Variants in NPSR1 observed in about 807,000 individuals in gnomAD.
The protein encoded by NPSR1 is neuropeptide S receptor 1.
Under a neutral mutation model 46.9 loss-of-function variants are expected in NPSR1, and 48 were observed. The observed-to-expected ratio is 1.02, with a 90% CI of 0.81 to 1.30. NPSR1 has a LOEUF of 1.30. Among genes scored for constraint, NPSR1 ranks in the 50% most tolerant of loss-of-function variants. NPSR1 has a pLI of 0.00. For missense variants in NPSR1, 450 were observed against 449.5 expected, an observed-to-expected ratio of 1.00 and a Z score of -0.01; for synonymous variants, 176 against 168.1, an observed-to-expected ratio of 1.05 and a Z score of -0.36.
In NPSR1 at chr7:34,835,109, A is replaced by G. The variant is rs528582312; in HGVS notation, c.757+649A>G. Among the ~76,000 whole-genome samples the G allele has an allele frequency of 1.2e-3, 181 of 152,370 alleles. 1 individual carries two copies. Among genetic ancestry groups the G allele is most frequent in the Non-Finnish European group, 2.2e-3 (147 of 68,044 alleles). On this transcript the variant is annotated intron_variant, in intron 6 of 8. Coordinates refer to ENST00000360581, the MANE Select transcript of NPSR1 (RefSeq NM_207172.2). ...AACATTACTGGACCTGACCAAGGTC[A>G]ACCTGGAGAAAACACAGCAAACCAA...
intron 4 of NPSR1, among the ~76,000 whole-genome samples, chr7:34,813,838 A>G (rs1789111008): frequency 6.6e-6 from 1 of 152,242 alleles, no homozygotes; most frequent in Non-Finnish European, 1.5e-5. Flanking sequence ...GTGTGCAATT[A>G]AAATGAATTT....
chr7:34,738,812 T>A (rs1028423783), intron 2 of NPSR1, among the ~76,000 whole-genome samples: 8 of 152,148 alleles, frequency 5.3e-5, no homozygotes, highest in African/African-American at 1.9e-4. Flanking sequence ...GTTAGTACAT[T>A]CAAAATGTGG....
chr7:34,663,067 C>CTCTCTCTCTCTCTGTGTG (rs35826710), intron 1 of NPSR1, among the ~76,000 whole-genome samples: 2 of 99,422 alleles, frequency 2.0e-5, no homozygotes, highest in East Asian at 2.9e-4. Context: ...CTCTCTCTCT[C>CTCTCTCTCTCTCTGTGTG]TGTGTGTGTG....
chr7:34,809,460 A>ATTTTT lies in NPSR1; in HGVS notation c.385-2293_385-2289dup, dbSNP rs1157591101. Among the ~76,000 whole-genome samples the ATTTTT allele has an allele frequency of 8.6e-4, 95 of 110,820 alleles. 1 individual carries two copies. The highest frequency in any genetic ancestry group is 1.5e-3 in the East Asian group (6 of 4,016). 72.7% of individuals were successfully genotyped at this position (110,820 alleles called of 152,430 possible). ...GTACAGATTATTTAATCACCCAGGTATTTTTTTTTTTTTTTTTTTTTGAGA... is the reference window on the plus strand; with the variant it reads ...GTACAGATTATTTAATCACCCAGGTATTTTTTTTTTTTTTTTTTTTTTTTTTGAGA... On this transcript the variant is annotated intron_variant, in intron 3 of 8. Transcript: ENST00000360581.
At chr7:34,744,179 T>A (rs1785092322) in intron 2 of NPSR1, among the ~76,000 whole-genome samples, 1 of 152,228 alleles carries the variant, frequency 6.6e-6, no homozygotes, top group African/African-American at 2.4e-5. Context: ...AATTGCTATA[T>A]CTTCCTGGTG....
intron 3 of NPSR1, chr7:34,779,732 C>A (rs763091691): frequency 2.6e-6 from 1 of 386,154 alleles, no homozygotes; most frequent in Non-Finnish European, 4.4e-6. Context: ...ATATTTGCTT[C>A]CTTGTAAATA....
intron 1 of NPSR1, among the ~76,000 whole-genome samples, chr7:34,673,697 C>T (rs554908936): frequency 7.4e-4 from 113 of 152,206 alleles, no homozygotes; most frequent in African/African-American, 2.6e-3. Context: ...CTCTCTCCAT[C>T]CCTGTTCTAG....
intron 2 of NPSR1, among the ~76,000 whole-genome samples, chr7:34,705,081 TA>T (rs1229153899): frequency 6.6e-6 from 1 of 152,202 alleles, no homozygotes; most frequent in Non-Finnish European, 1.5e-5. Flanking sequence ...TTTATATACA[TA>T]TTTTTTGCCT....
intron 2 of NPSR1, among the ~76,000 whole-genome samples, chr7:34,708,221 A>G (rs1305826692): frequency 6.6e-6 from 1 of 152,228 alleles, no homozygotes; most frequent in African/African-American, 2.4e-5. Context: ...TTCCACATGC[A>G]AAGAGATAAA....
chr7:34,865,366 C>T lies in NPSR1; in HGVS notation c.1026-12710C>T, dbSNP rs555265829. On this transcript the variant is annotated intron_variant, in intron 8 of 8. Coordinates refer to the NPSR1 transcript ENST00000359791. ...GAACTGCTCAGGTGAGACAGAGACG[C>T]GGAAGAAACTTCTGACCCTATGGAC... is the stretch of plus-strand genomic sequence containing the variant. 5.3e-5 allele frequency among the ~76,000 whole-genome samples: 8 copies of T among 151,780 alleles called. No homozygotes were observed. The South Asian group carries it at 1.2e-3, about 24-fold the overall frequency.
At chr7:34,844,526 A>C (rs1346331458) in intron 6 of NPSR1, among the ~76,000 whole-genome samples, 2 of 152,164 alleles carry the variant, frequency 1.3e-5, no homozygotes, top group Admixed American at 6.5e-5. Context: ...TAGGTTGCTA[A>C]AGTGGCCACA....
chr7:34,703,674 G>A (rs34213367), intron 2 of NPSR1, among the ~76,000 whole-genome samples: 180 of 151,982 alleles, frequency 1.2e-3, no homozygotes, highest in African/African-American at 4.1e-3. Context: ...ACTTAATCTT[G>A]AGGTTAGAAA....
In NPSR1 at chr7:34,725,036, G is replaced by A. The variant is rs145485082; in HGVS notation, c.280+40352G>A. 2.2e-3 allele frequency among the ~76,000 whole-genome samples: 327 copies of A among 151,504 alleles called. 3 individuals are homozygous for A. Among genetic ancestry groups the A allele is most frequent in the African/African-American group, 7.7e-3 (318 of 41,246 alleles). On this transcript the variant is annotated intron_variant, in intron 2 of 8. Coordinates refer to ENST00000360581, the MANE Select transcript of NPSR1 (RefSeq NM_207172.2). ...GGATGATCCATTTAATTTCTACATG[G>A]AAAAGGAGCAAAAAAGGAAAGGGAC...
chr7:34,698,252 G>A (rs187849871), intron 2 of NPSR1, among the ~76,000 whole-genome samples: 16 of 152,222 alleles, frequency 1.1e-4, no homozygotes, highest in South Asian at 1.0e-3. Flanking sequence ...TTACGTGGGC[G>A]TGTTCCTCTT....
At chr7:34,834,555 A>C in intron 6 of NPSR1, 95 bp downstream of exon 6, 1 of 875,456 alleles carries the variant, frequency 1.1e-6, no homozygotes, top group South Asian at 1.4e-5. Context: ...CTTGATACAC[A>C]AGCATACAGG....
At position 34,744,918 on chromosome 7, in the gene NPSR1, T is replaced by C. The variant is rs530147693; in HGVS notation, c.281-33544T>C. On this transcript the variant is annotated intron_variant, in intron 2 of 8. Coordinates refer to ENST00000360581, the MANE Select transcript of NPSR1 (RefSeq NM_207172.2). ...GCATCTATACTGAACATGTTCACACTTTCTCCTTGTCATAATTTTCTAAAC... is the reference window on the plus strand; with the variant it reads ...GCATCTATACTGAACATGTTCACACCTTCTCCTTGTCATAATTTTCTAAAC... Among the ~76,000 whole-genome samples, 30 of 152,344 alleles carry C rather than the reference T, an allele frequency of 2.0e-4. No homozygotes were observed. The South Asian group carries it at 6.2e-3, about 32-fold the overall frequency.
At chr7:34,679,368 T>C (rs1223351683) in intron 1 of NPSR1, among the ~76,000 whole-genome samples, 6 of 152,034 alleles carry the variant, frequency 3.9e-5, no homozygotes, top group Non-Finnish European at 8.8e-5. Context: ...TAGTTAGAAA[T>C]ATATAGATAA....
chr7:34,861,875 A>C (rs906767773), intron 8 of NPSR1, among the ~76,000 whole-genome samples: 1 of 151,868 alleles, frequency 6.6e-6, no homozygotes, highest in African/African-American at 2.4e-5. Flanking sequence ...TCAGGAATGG[A>C]AAAGAAGAAC....
intron 2 of NPSR1, among the ~76,000 whole-genome samples, chr7:34,752,683 A>G (rs923216446): frequency 6.6e-6 from 1 of 152,196 alleles, no homozygotes; most frequent in Non-Finnish European, 1.5e-5. Flanking sequence ...AATATTCTCC[A>G]CGAGTCTCTC....
Sources: gnomAD v4.1 joint callset for allele counts (sites outside exome capture counted in the v4.1 genomes callset) on GRCh38, gnomAD v4.1.1 for gene constraint, MANE v1.5 for transcripts, NCBI Gene and HGNC (gene_info 2026-07-23, HGNC 2026-07-21) for gene names.